The following LCA5L variants were observed in gnomAD, a reference collection of about 807,000 sequenced individuals.
The protein encoded by LCA5L is lebercilin LCA5 like, also known as lebercilin-like protein.
Under a neutral mutation model 45.4 loss-of-function variants are expected in LCA5L, and 35 were observed. The ratio of observed to expected loss-of-function variants is 0.77; its 90% CI spans 0.59 to 1.02. The LOEUF (loss-of-function observed/expected upper bound fraction) is 1.02, where lower values mean the gene tolerates loss of function less well. Among genes scored for constraint, LCA5L ranks in the 50% least tolerant of loss-of-function variants. The probability of loss-of-function intolerance (pLI) is 0.00; values close to 1 mark genes in which losing one functional copy is unlikely to be tolerated. For missense variants in LCA5L, 668 were observed against 761.6 expected (o/e 0.88, Z 1.45); for synonymous variants, 233 against 264.7 (o/e 0.88, Z 1.16).
intron 7 of LCA5L, among the ~76,000 whole-genome samples, chr21:39,417,696 T>C (rs1411583399): frequency 6.6e-6 from 1 of 152,172 alleles, no homozygotes; most frequent in Non-Finnish European, 1.5e-5. Context: ...CAAAAGGACT[T>C]CTTACATGGC....
chr21:39,430,271 T>C (rs2075555813), intron 3 of LCA5L, among the ~76,000 whole-genome samples: 1 of 152,314 alleles, frequency 6.6e-6, no homozygotes, highest in South Asian at 2.1e-4. Flanking sequence ...TTTTGGCCAG[T>C]TGTTTCTGAC....
intron 3 of LCA5L, among the ~76,000 whole-genome samples, chr21:39,430,895 C>CT (rs773658617): frequency 3.3e-5 from 5 of 152,294 alleles, no homozygotes; most frequent in African/African-American, 7.2e-5. Context: ...TGACTTTGTC[C>CT]TTTTTTCTTT....
Position 39,435,400 on chromosome 21 carries a change from T to G in LCA5L, c.-92+20A>C, listed in dbSNP as rs1212671812. 6.6e-6 allele frequency: 1 copy of G among 152,230 alleles called. No individual in the cohort carries two copies. Among genetic ancestry groups the G allele is most frequent in the Non-Finnish European group, 1.5e-5 (1 of 68,042 alleles). 9.4% of individuals were successfully genotyped at this position (152,230 alleles called of 1,614,324 possible). ...GGAAAATAAAACACACTAAAATGTT[T>G]GAAAGTGATTACTGCATACCTGGTG... On this transcript the variant is annotated intron_variant, in intron 3 of 10. Coordinates refer to ENST00000288350, the MANE Select transcript of LCA5L (RefSeq NM_152505.4).
chr21:39,410,219 A>T, intron 9 of LCA5L, 45 bp downstream of exon 9: 1 of 1,310,872 alleles, frequency 7.6e-7, no homozygotes, highest in Non-Finnish European at 1.1e-6. Context: ...TATTTTTGTT[A>T]AGACATGTTT....
chr21:39,425,116 A>C (rs2074440876), intron 5 of LCA5L, among the ~76,000 whole-genome samples: 1 of 152,230 alleles, frequency 6.6e-6, no homozygotes, highest in African/African-American at 2.4e-5. Flanking sequence ...ATATATCTAG[A>C]TTCGGAGAAG....
chr21:39,422,012 A>G (rs1301242998), intron 6 of LCA5L: 1 of 152,246 alleles, frequency 6.6e-6, no homozygotes, highest in African/African-American at 2.4e-5. Context: ...TATTACCTAA[A>G]AGGCCCAATA....
rs2039783757 is a variant in LCA5L at position 39,409,854 on chromosome 21, A to G, written c.1282+125T>C. ...GGTGATCTGCCTGCCTTGGCCTCCCAAAGTGCTGGGATTACAGGTGCGAGC... is the reference window on the plus strand; with the variant it reads ...GGTGATCTGCCTGCCTTGGCCTCCCGAAGTGCTGGGATTACAGGTGCGAGC... On this transcript the variant is annotated intron_variant, in intron 10 of 10. Coordinates refer to ENST00000288350, the MANE Select transcript of LCA5L (RefSeq NM_152505.4). The surrounding 1 kb of genome is among the most constrained non-coding windows in gnomAD (Gnocchi z 4.2). 12 of 605,742 alleles carry G rather than the reference A, an allele frequency of 2.0e-5. No homozygotes were observed. The highest frequency in any genetic ancestry group is 3.4e-5 in the Non-Finnish European group (12 of 351,454). 37.5% of individuals were successfully genotyped at this position (605,742 alleles called of 1,614,324 possible).
intron 6 of LCA5L, among the ~76,000 whole-genome samples, chr21:39,421,363 C>T (rs888828496): frequency 3.3e-5 from 5 of 152,140 alleles, no homozygotes; most frequent in Admixed American, 6.5e-5. Flanking sequence ...GCTGGTATTA[C>T]GGGCGAGAGG....
Position 39,406,270 on chromosome 21 carries a change from C to T in LCA5L, c.1625G>A (p.Gly542Glu). The T allele has an allele frequency of 6.2e-7, 1 of 1,614,172 alleles. No homozygotes were observed. Among genetic ancestry groups the T allele is most frequent in the African/African-American group, 1.3e-5 (1 of 75,020 alleles). ...CCTCATGTTGCCGGCATTGGCTGGC[C>T]CCCCTGAAGCAGGAAGCCCATGATG... The part of the protein sequence containing the change: ...NLHHGLPASG[G>E]PANAGNMRYS... Residue 542 changes from glycine to glutamate, a missense_variant, in exon 11 of 11, where the codon GGG becomes GAG. Coordinates refer to ENST00000288350, the MANE Select transcript of LCA5L (RefSeq NM_152505.4).
Position 39,423,259 on chromosome 21 carries a change from G to T in LCA5L, c.554C>A (p.Ala185Asp). 1 of 1,609,890 alleles carries T rather than the reference G, an allele frequency of 6.2e-7. No homozygotes were observed. The highest frequency in any genetic ancestry group is 8.5e-7 in the Non-Finnish European group (1 of 1,179,068). The change falls in exon 6 of 11, where the codon GCT becomes GAT. Residue 185 changes from alanine to aspartate, a missense_variant. Coordinates refer to ENST00000288350, the MANE Select transcript of LCA5L (RefSeq NM_152505.4). ...TTGTGAATTCTCATATTTTCCTATAGCTTTCAAATGCCTAAGCTGAAGTTG... is the reference window on the plus strand; with the variant it reads ...TTGTGAATTCTCATATTTTCCTATATCTTTCAAATGCCTAAGCTGAAGTTG... ...LKQLQLRHLK[A>D]IGKYENSQNN...
chr21:39,445,123 A>T (rs1481545409), intron 1 of LCA5L, among the ~76,000 whole-genome samples: 9 of 151,894 alleles, frequency 5.9e-5, no homozygotes, highest in Non-Finnish European at 1.3e-4. Context: ...AAAAAAGTTA[A>T]CCGTTGGCTT....
chr21:39,437,780 T>C (rs1347389356), intron 2 of LCA5L, among the ~76,000 whole-genome samples: 1 of 152,100 alleles, frequency 6.6e-6, no homozygotes, highest in Non-Finnish European at 1.5e-5. Flanking sequence ...TAAAACGACT[T>C]AGAAAATAGA....
chr21:39,426,511 G>T (rs2074738230), intron 5 of LCA5L, among the ~76,000 whole-genome samples: 1 of 152,156 alleles, frequency 6.6e-6, no homozygotes, highest in South Asian at 2.1e-4. Flanking sequence ...GGGTTTTAAA[G>T]GTGAGTGCAT....
At chr21:39,439,640 T>C (rs1398549883) in intron 2 of LCA5L, 1 of 152,218 alleles carries the variant, frequency 6.6e-6, no homozygotes, top group Non-Finnish European at 1.5e-5. Flanking sequence ...CAACCTGAGA[T>C]AGCTGGTGGG....
intron 3 of LCA5L, among the ~76,000 whole-genome samples, chr21:39,431,334 C>T (rs2075690477): frequency 6.6e-6 from 1 of 152,074 alleles, no homozygotes; most frequent in Admixed American, 6.6e-5. Flanking sequence ...AATCAAAAAT[C>T]TGTCAATGTT....
At chr21:39,427,815 A>C (rs1275624730) in intron 5 of LCA5L, 2 of 161,058 alleles carry the variant, frequency 1.2e-5, no homozygotes, top group Non-Finnish European at 2.7e-5. Context: ...TTTCACTGGC[A>C]ATTCAAACAC....
chr21:39,407,378 T>G (rs2039257286), intron 10 of LCA5L, among the ~76,000 whole-genome samples: 1 of 152,320 alleles, frequency 6.6e-6, no homozygotes. Context: ...GTGGGTGTGT[T>G]GTTGGTACAG....
In LCA5L at chr21:39,443,257, G is replaced by A. The variant is rs775816376; in HGVS notation, c.-246+878C>T. On this transcript the variant is annotated intron_variant, in intron 2 of 10. Coordinates refer to ENST00000288350, the MANE Select transcript of LCA5L (RefSeq NM_152505.4). ...GGGATAAGGGATTGGACAATAACTG[G>A]AAACTGAAGGGGAACGTGGGGTCAA... 1.1e-4 allele frequency among the ~76,000 whole-genome samples: 17 copies of A among 152,340 alleles called. 1 individual carries two copies. The Middle Eastern group carries it at 0.017, about 152-fold the overall frequency.
Position 39,420,804 on chromosome 21 carries a change from T to C in LCA5L, c.877A>G (p.Ser293Gly), listed in dbSNP as rs746616692. ...KQLRLNCRAF[S>G]RQLAIETRKT... ...CGAGTCTCAATAGCCAGCTGCCGGCTAAAGGCTCTGCAGTTCAACCTCAGT... is the reference window on the plus strand; with the variant it reads ...CGAGTCTCAATAGCCAGCTGCCGGCCAAAGGCTCTGCAGTTCAACCTCAGT... The change falls in exon 7 of 11, where the codon AGC becomes GGC. Residue 293 changes from serine to glycine, a missense_variant. By Grantham distance (56) the Ser-to-Gly change is moderately conservative. Transcript: ENST00000288350. 1 of 1,613,172 alleles carries C rather than the reference T, an allele frequency of 6.2e-7. No homozygotes were observed. Among genetic ancestry groups the C allele is most frequent in the Non-Finnish European group, 8.5e-7 (1 of 1,179,208 alleles).
Sources: allele counts gnomAD v4.1 joint callset (sites outside exome capture counted in the v4.1 genomes callset), GRCh38; gene constraint gnomAD v4.1.1; non-coding constraint Gnocchi (gnomAD v3.1); transcripts MANE v1.5; gene names NCBI Gene and HGNC (gene_info 2026-07-23, HGNC 2026-07-21).